The following FCRL6 variants were observed in gnomAD, a reference collection of about 807,000 sequenced individuals.
The protein encoded by FCRL6 is Fc receptor-like protein 6.
A neutral mutation model predicts 49.1 loss-of-function variants in FCRL6; 50 were observed. That is an observed-to-expected ratio of 1.02 (90% CI 0.81 to 1.29). The LOEUF is 1.29. Among genes scored for constraint, FCRL6 ranks in the 50% most tolerant of loss-of-function variants. The pLI is 0.00. For synonymous variants in FCRL6, 213 were observed against 199.6 expected (o/e 1.07, Z -0.57); for missense variants, 571 against 518.5 (o/e 1.10, Z -0.98).
chr1:159,809,388 C>G lies in FCRL6; in HGVS notation c.605-14C>G. The G allele has an allele frequency of 6.3e-7, 1 of 1,577,850 alleles. No individual in the cohort carries two copies. The highest frequency in any genetic ancestry group is 8.6e-7 in the Non-Finnish European group (1 of 1,159,762). ...GGTGGTCAGGCTGAGCCTCCCACCC[C>G]ATGTGTGTCCCAGCTCCTGTATCCC... is the stretch of plus-strand genomic sequence containing the variant. On this transcript the variant is annotated splice_polypyrimidine_tract_variant and intron_variant, in intron 4 of 9. Transcript: ENST00000368106.
intron 2 of FCRL6, 108 bp from the exon 3 acceptor site, chr1:159,808,070 T>C: frequency 7.8e-7 from 1 of 1,282,208 alleles, no homozygotes; most frequent in Non-Finnish European, 1.1e-6. Flanking sequence ...ACCAGTGCCA[T>C]CCAAGGGCCT....
At position 159,811,328 on chromosome 1, in the gene FCRL6, T is replaced by C. The variant is rs547073251; in HGVS notation, c.1009+1112T>C. Among the ~76,000 whole-genome samples the C allele has an allele frequency of 7.2e-5, 11 of 152,246 alleles. No homozygotes were observed. In the East Asian group the frequency reaches 2.1e-3, roughly 29 times the overall value. On this transcript the variant is annotated intron_variant, in intron 6 of 9. Transcript: ENST00000368106. ...TACAGAGGTTCAAATCAACCCCACT[T>C]CCTCCTCTGCAGGGGCAATGTTATT...
chr1:159,804,670 T>C (rs1478703980), intron 1 of FCRL6, among the ~76,000 whole-genome samples: 3 of 152,254 alleles, frequency 2.0e-5, no homozygotes, highest in Non-Finnish European at 4.4e-5. Flanking sequence ...CTCCAAGATC[T>C]TGCAGTACCA....
At position 159,810,182 on chromosome 1, in the gene FCRL6, A is replaced by C. The variant is rs1209212200; in HGVS notation, c.975A>C (p.Ala325=). 1 of 1,613,618 alleles carries C rather than the reference A, an allele frequency of 6.2e-7. No individual in the cohort carries two copies. The change falls in exon 6 of 10, where the codon GCA becomes GCC. Residue 325 remains alanine (A), a synonymous_variant. Coordinates refer to ENST00000368106, the MANE Select transcript of FCRL6 (RefSeq NM_001004310.3). ...TTGGCCTGATGGTTATTGCTGCTGCACTTCTGGTTTATGTGAGATCCTGGA... is the reference window on the plus strand; with the variant it reads ...TTGGCCTGATGGTTATTGCTGCTGCCCTTCTGGTTTATGTGAGATCCTGGA... ...SLLGLMVIAA[A]LLVYVRSWRK...
chr1:159,812,096 AC>A (rs1663121380), intron 6 of FCRL6, among the ~76,000 whole-genome samples: 1 of 152,178 alleles, frequency 6.6e-6, no homozygotes, highest in African/African-American at 2.4e-5. Context: ...CACCACACCC[AC>A]TGCCAACCTT....
At chr1:159,815,323 C>A in intron 8 of FCRL6, 105 bp from the exon 9 acceptor site, 2 of 1,273,160 alleles carry the variant, frequency 1.6e-6, no homozygotes, top group South Asian at 1.4e-5. Flanking sequence ...CCCTGGCTGG[C>A]TTCCCTGGCT....
chr1:159,814,143 C>T (rs971667801), intron 7 of FCRL6, 78 bp from the exon 8 acceptor site: 2 of 1,364,322 alleles, frequency 1.5e-6, no homozygotes, highest in African/African-American at 2.9e-5. Context: ...ATGGGCTTCT[C>T]TCCATGTCTT....
At chr1:159,800,670 C>T (rs1662268097), upstream of FCRL6, 3 of 1,479,526 alleles carry the variant, frequency 2.0e-6, no homozygotes, top group Non-Finnish European at 2.8e-6. Context: ...TTCCCTCTTT[C>T]CTAAACAACT....
rs769087449 is a variant in FCRL6 at position 159,809,254 on chromosome 1, G to A, written c.604+9G>A. ...GGAGGTCAGAGTGCAGGGTAAGTGCGCGAGAGAGTGGAGATGCCCCCAGGG... is the reference window on the plus strand; with the variant it reads ...GGAGGTCAGAGTGCAGGGTAAGTGCACGAGAGAGTGGAGATGCCCCCAGGG... On this transcript the variant is annotated intron_variant, in intron 4 of 9. Transcript: ENST00000368106. 34 of 1,542,400 alleles carry A rather than the reference G, an allele frequency of 2.2e-5. No individual in the cohort carries two copies. Among genetic ancestry groups the A allele is most frequent in the African/African-American group, 8.3e-5 (6 of 72,574 alleles).
chr1:159,806,513 C>T (rs2101738490), intron 1 of FCRL6, 83 bp from the exon 2 acceptor site: 1 of 1,221,366 alleles, frequency 8.2e-7, no homozygotes, highest in Non-Finnish European at 1.2e-6. Flanking sequence ...GGGTGTAAGT[C>T]CCCATTGCTG....
rs916331994 is a variant in FCRL6 at position 159,815,850 on chromosome 1, T to C, written c.*189T>C. 8.2e-6 allele frequency: 5 copies of C among 607,756 alleles called. No homozygotes were observed. Among genetic ancestry groups the C allele is most frequent in the Non-Finnish European group, 1.4e-5 (5 of 352,248 alleles). 37.6% of individuals were successfully genotyped at this position (607,756 alleles called of 1,614,324 possible). ...CTTTTCTTAGCAGAAGACCAACCAA[T>C]GGAATGGGAAGGGAGATGCTCCCAC... On this transcript the variant is annotated 3_prime_UTR_variant, in exon 10 of 10. Coordinates refer to ENST00000368106, the MANE Select transcript of FCRL6 (RefSeq NM_001004310.3).
At chr1:159,810,278 T>G (rs1205392691) in intron 6 of FCRL6, 62 bp downstream of exon 6, 2 of 1,551,996 alleles carry the variant, frequency 1.3e-6, no homozygotes, top group Admixed American at 3.7e-5. Context: ...TGCCCAGACT[T>G]TGGAAAGCCA....
At chr1:159,809,324 G>C (rs111638798) in intron 4 of FCRL6, 78 bp from the exon 5 acceptor site, 3 of 1,527,680 alleles carry the variant, frequency 2.0e-6, no homozygotes, top group Admixed American at 2.1e-5. Flanking sequence ...AAAGGAGTTG[G>C]GGGAAGGGTC....
Position 159,815,691 on chromosome 1 carries a change from AC to A in FCRL6, c.*35del, listed in dbSNP as rs532448301. The A allele has an allele frequency of 3.0e-3, 4,813 of 1,611,772 alleles. 10 individuals are homozygous for A. The highest frequency in any genetic ancestry group is 4.9e-3 in the South Asian group (449 of 90,890). ...GGTGTTCTCCTATCAACACACGCCC[AC>A]CCCCAGTCTCCAGTGCTCCTCAGGA... On this transcript the variant is annotated 3_prime_UTR_variant, in exon 10 of 10. Coordinates refer to ENST00000368106, the MANE Select transcript of FCRL6 (RefSeq NM_001004310.3).
intron 2 of FCRL6, 71 bp downstream of exon 2, chr1:159,806,687 A>G (rs927394402): frequency 2.7e-6 from 4 of 1,494,998 alleles, no homozygotes; most frequent in Admixed American, 1.7e-5. Context: ...TGGGAACAGG[A>G]CAGTGCCATG....
rs770182446 is a variant in FCRL6, at chr1:159,808,445, G to A, written c.319+1G>A. The stretch of plus-strand genomic sequence containing the variant: ...GAGACTGCCATGGTTCAAGTCCAAG[G>A]TGAGTCACCAGCTTGGGAGTTTGTG... On this transcript the variant is annotated splice_donor_variant, in intron 3 of 9. Coordinates refer to ENST00000368106, the MANE Select transcript of FCRL6 (RefSeq NM_001004310.3). LOFTEE classifies it high-confidence loss of function. 6.2e-7 allele frequency: 1 copy of A among 1,614,194 alleles called. No individual in the cohort carries two copies. Among genetic ancestry groups the A allele is most frequent in the Non-Finnish European group, 8.5e-7 (1 of 1,180,016 alleles).
intron 5 of FCRL6, 80 bp from the exon 6 acceptor site, chr1:159,810,014 G>A (rs1250683668): frequency 6.6e-7 from 1 of 1,506,388 alleles, no homozygotes; most frequent in African/African-American, 1.4e-5. Flanking sequence ...CAGTCATTCT[G>A]CCTGTTCTGT....
Position 159,815,612 on chromosome 1 carries a change from G to C in FCRL6, c.1256G>C (p.Ser419Thr). 1.2e-6 allele frequency: 2 copies of C among 1,614,204 alleles called. No homozygotes were observed. Among genetic ancestry groups the C allele is most frequent in the Non-Finnish European group, 1.7e-6 (2 of 1,180,034 alleles). ...EVSSTEVNMR[S>T]RTLQEPLSDC... ...TCATCCACGGAGGTGAATATGAGAA[G>C]CAGGACTCTCCAAGAACCCCTTAGC... Residue 419 changes from serine (S) to threonine (T), a missense_variant, in exon 10 of 10, where the codon AGC becomes ACC. Transcript: ENST00000368106.
chr1:159,813,148 C>T (rs1043266312), intron 6 of FCRL6, among the ~76,000 whole-genome samples: 2 of 152,194 alleles, frequency 1.3e-5, no homozygotes, highest in Admixed American at 6.5e-5. Flanking sequence ...TTGCCTGGCC[C>T]AGTGTCTGGC....
Sources: allele counts gnomAD v4.1 joint callset (sites outside exome capture counted in the v4.1 genomes callset), GRCh38; gene constraint gnomAD v4.1.1; transcripts MANE v1.5; gene names NCBI Gene and HGNC (gene_info 2026-07-23, HGNC 2026-07-21).